The following REDIC1 variants were observed in gnomAD, a reference collection of about 807,000 sequenced individuals.
REDIC1 encodes regulator of DNA class I crossover intermediates 1.
the REDIC1 span, among the ~76,000 whole-genome samples, chr12:39,857,029 C>T: frequency 6.6e-6 from 1 of 152,158 alleles, no homozygotes; most frequent in Non-Finnish European, 1.5e-5. Flanking sequence ...AGTGGATTTA[C>T]TTGAAACAGG....
the REDIC1 span, chr12:39,721,319 A>T: frequency 1.5e-6 from 2 of 1,322,650 alleles, no homozygotes; most frequent in Non-Finnish European, 2.1e-6. Flanking sequence ...AAATGTTGAA[A>T]ATTTCATTAA....
the REDIC1 span, among the ~76,000 whole-genome samples, chr12:39,753,308 G>A: frequency 6.6e-6 from 1 of 151,722 alleles, no homozygotes; most frequent in Non-Finnish European, 1.5e-5. Flanking sequence ...GAGGGTTAAT[G>A]TCACGGTTTT....
the REDIC1 span, among the ~76,000 whole-genome samples, chr12:39,874,460 A>G: frequency 1.3e-5 from 2 of 151,930 alleles, no homozygotes; most frequent in African/African-American, 4.8e-5. Flanking sequence ...TTAAAAATAC[A>G]AAAAATTAGC....
At chr12:39,662,433 G>A in the REDIC1 span, among the ~76,000 whole-genome samples, 7 of 151,894 alleles carry the variant, frequency 4.6e-5, no homozygotes, top group Admixed American at 1.3e-4. Context: ...TTGTTTTTCA[G>A]ATAGTTCATT....
At chr12:39,884,646 G>A in the REDIC1 span, among the ~76,000 whole-genome samples, 1 of 152,148 alleles carries the variant, frequency 6.6e-6, no homozygotes, top group Non-Finnish European at 1.5e-5. Flanking sequence ...CCATAACACT[G>A]AGGGTGACCG....
At chr12:39,633,031 A>G in the REDIC1 span, among the ~76,000 whole-genome samples, 3,074 of 152,158 alleles carry the variant, frequency 0.02, 41 homozygotes, top group South Asian at 0.029. Flanking sequence ...TTAGTAATAA[A>G]TTAACCTTAA....
At chr12:39,905,007 C>A in the REDIC1 span, among the ~76,000 whole-genome samples, 3 of 152,070 alleles carry the variant, frequency 2.0e-5, no homozygotes, top group Non-Finnish European at 2.9e-5. Context: ...GCTTCAGTTG[C>A]TAGAGCTAAA....
the REDIC1 span, chr12:39,692,087 C>T: frequency 6.3e-7 from 1 of 1,577,426 alleles, no homozygotes; most frequent in Non-Finnish European, 8.6e-7. Flanking sequence ...CTTTAAAAAG[C>T]AAGCGAATAT....
At chr12:39,637,417 T>C in the REDIC1 span, among the ~76,000 whole-genome samples, 1 of 152,102 alleles carries the variant, frequency 6.6e-6, no homozygotes, top group African/African-American at 2.4e-5. Flanking sequence ...TCCCACTTTC[T>C]AGCTCACTCC....
chr12:39,843,162 C>T, the REDIC1 span, among the ~76,000 whole-genome samples: 1 of 152,004 alleles, frequency 6.6e-6, no homozygotes, highest in African/African-American at 2.4e-5. Context: ...GGTCATATAA[C>T]TATACATATG....
the REDIC1 span, among the ~76,000 whole-genome samples, chr12:39,827,269 T>C: frequency 2.6e-5 from 4 of 152,156 alleles, no homozygotes; most frequent in South Asian, 2.1e-4. Flanking sequence ...CACTCCCTCA[T>C]AGCAAAGGCT....
the REDIC1 span, among the ~76,000 whole-genome samples, chr12:39,660,624 T>C: frequency 6.6e-6 from 1 of 152,150 alleles, no homozygotes; most frequent in Non-Finnish European, 1.5e-5. Context: ...AGGATATCCA[T>C]CACCACAACC....
chr12:39,640,911 C>T, the REDIC1 span: 193 of 1,482,658 alleles, frequency 1.3e-4, no homozygotes, highest in South Asian at 2.1e-3. Context: ...TCTTAAAGGC[C>T]ATTTCTTTGA....
chr12:39,718,685 A>T, the REDIC1 span, among the ~76,000 whole-genome samples: 1 of 151,944 alleles, frequency 6.6e-6, no homozygotes, highest in Non-Finnish European at 1.5e-5. Flanking sequence ...TTTTCCTGGA[A>T]TAGGGCACTT....
chr12:39,672,043 G>A, the REDIC1 span, among the ~76,000 whole-genome samples: 1 of 152,108 alleles, frequency 6.6e-6, no homozygotes, highest in Non-Finnish European at 1.5e-5. Context: ...TGGTGGGTGG[G>A]GCAGGACAAG....
At chr12:39,635,061 A>G in the REDIC1 span, among the ~76,000 whole-genome samples, 3 of 152,354 alleles carry the variant, frequency 2.0e-5, no homozygotes, top group East Asian at 3.9e-4. Context: ...ATTACTGGTC[A>G]TCAGAGAAAT....
the REDIC1 span, among the ~76,000 whole-genome samples, chr12:39,907,311 G>A: frequency 6.6e-6 from 1 of 152,114 alleles, no homozygotes; most frequent in Non-Finnish European, 1.5e-5. Flanking sequence ...ATTCATAGAT[G>A]TAGTGAGCAA....
At chr12:39,829,114 A>G in the REDIC1 span, among the ~76,000 whole-genome samples, 1 of 152,094 alleles carries the variant, frequency 6.6e-6, no homozygotes. Flanking sequence ...TTTAAAACAC[A>G]AAATAGATTA....
At chr12:39,646,430 T>C in the REDIC1 span, 2 of 1,544,142 alleles carry the variant, frequency 1.3e-6, no homozygotes, top group African/African-American at 2.8e-5. Context: ...CTGTGTACCT[T>C]CTAAACTCTG....
Sources: gnomAD v4.1 joint callset for allele counts (sites outside exome capture counted in the v4.1 genomes callset) on GRCh38, gnomAD v4.1.1 for gene constraint, MANE v1.5 for transcripts, NCBI Gene and HGNC (gene_info 2026-07-23, HGNC 2026-07-21) for gene names.